The following SOX5 variants were observed in gnomAD, a reference collection of about 807,000 sequenced individuals.
SOX5 encodes SRY-box transcription factor 5.
SOX5 carries 9 observed loss-of-function variants against 92.0 expected under a neutral mutation model. The ratio of observed to expected loss-of-function variants is 0.10; its 90% CI spans 0.06 to 0.17. The LOEUF (loss-of-function observed/expected upper bound fraction) is 0.17, where lower values mean the gene tolerates loss of function less well. Ranked by LOEUF, SOX5 falls within the 10% of genes least tolerant of loss-of-function variation. The pLI, the probability that SOX5 is intolerant of heterozygous loss-of-function variation, is 1.00. For synonymous variants in SOX5, 344 were observed against 336.3 expected (o/e 1.02, Z -0.25); for missense variants, 642 against 944.5 (o/e 0.68, Z 4.20).
intron 4 of SOX5, among the ~76,000 whole-genome samples, chr12:24,083,206 A>G (rs1477904857): frequency 3.9e-5 from 6 of 152,022 alleles, no homozygotes; most frequent in Non-Finnish European, 8.8e-5. Context: ...CCTCTTCACC[A>G]TAAGATTAAG....
chr12:24,442,525 G>A (rs532278747), intron 1 of SOX5, among the ~76,000 whole-genome samples: 69 of 152,290 alleles, frequency 4.5e-4, no homozygotes, highest in Non-Finnish European at 1.3e-4. Flanking sequence ...AGCAGAGAGC[G>A]GGTGCGGTTT....
chr12:23,895,242 G>A (rs75231042), intron 2 of SOX5, among the ~76,000 whole-genome samples: 3,423 of 145,278 alleles, frequency 0.024, 113 homozygotes, highest in African/African-American at 0.08. Flanking sequence ...CCGAATTAAC[G>A]AAACAACAGT....
At chr12:24,391,825 T>G (rs1221221563) in intron 1 of SOX5, among the ~76,000 whole-genome samples, 1 of 152,190 alleles carries the variant, frequency 6.6e-6, no homozygotes, top group Non-Finnish European at 1.5e-5. Context: ...AGGTAACATA[T>G]AGAAAATATA....
At chr12:23,942,870 T>C (rs1430417067) in intron 1 of SOX5, among the ~76,000 whole-genome samples, 2 of 152,032 alleles carry the variant, frequency 1.3e-5, no homozygotes, top group African/African-American at 4.8e-5. Flanking sequence ...AGAAAGATCA[T>C]ATCTTCTGTT....
chr12:24,321,904 G>A (rs1022794476), intron 2 of SOX5, among the ~76,000 whole-genome samples: 1 of 152,058 alleles, frequency 6.6e-6, no homozygotes, highest in Non-Finnish European at 1.5e-5. Context: ...CATCCAAACT[G>A]GAAGTCTCAA....
intron 4 of SOX5, among the ~76,000 whole-genome samples, chr12:24,183,231 A>G (rs1302371314): frequency 6.6e-6 from 1 of 152,166 alleles, no homozygotes; most frequent in East Asian, 1.9e-4. Context: ...AAAACCATAT[A>G]CTACTCCACT....
At chr12:23,918,199 C>T (rs1449497763) in intron 1 of SOX5, among the ~76,000 whole-genome samples, 2 of 152,142 alleles carry the variant, frequency 1.3e-5, no homozygotes, top group African/African-American at 2.4e-5. Context: ...AACAATACAA[C>T]TGTAATATTT....
chr12:23,891,046 A>G (rs1326374172), intron 2 of SOX5, among the ~76,000 whole-genome samples: 1 of 152,188 alleles, frequency 6.6e-6, no homozygotes, highest in Non-Finnish European at 1.5e-5. Flanking sequence ...GACTTATAAC[A>G]ATCTGTGTCT....
At chr12:24,003,292 G>A (rs2136400021) in intron 4 of SOX5, among the ~76,000 whole-genome samples, 2 of 152,100 alleles carry the variant, frequency 1.3e-5, no homozygotes, top group East Asian at 3.9e-4. Flanking sequence ...ACATTGTACT[G>A]GAGGTTCTAG....
At chr12:24,528,238 TG>T (rs1950883446) in intron 1 of SOX5, among the ~76,000 whole-genome samples, 1 of 152,224 alleles carries the variant, frequency 6.6e-6, no homozygotes, top group Non-Finnish European at 1.5e-5. Context: ...TTATACAAAG[TG>T]GCAGAGTCGG....
intron 6 of SOX5, among the ~76,000 whole-genome samples, chr12:23,707,252 T>C (rs2091501900): frequency 6.6e-6 from 1 of 152,200 alleles, no homozygotes; most frequent in African/African-American, 2.4e-5. Context: ...ATTTCTTTTG[T>C]TTTTAGGCTG....
chr12:24,418,674 C>T (rs1481303859), intron 1 of SOX5, among the ~76,000 whole-genome samples: 1 of 152,164 alleles, frequency 6.6e-6, no homozygotes, highest in Non-Finnish European at 1.5e-5. Flanking sequence ...TAATCTGCCC[C>T]ATCTTTAATG....
intron 1 of SOX5, among the ~76,000 whole-genome samples, chr12:24,550,874 G>A (rs1430262485): frequency 6.6e-6 from 1 of 152,230 alleles, no homozygotes; most frequent in Non-Finnish European, 1.5e-5. Context: ...ACGCATTGAT[G>A]TTAACATTAC....
chr12:24,485,449 A>G (rs1045297663), intron 1 of SOX5, among the ~76,000 whole-genome samples: 1 of 152,178 alleles, frequency 6.6e-6, no homozygotes, highest in Non-Finnish European at 1.5e-5. Context: ...GAGTTAAAAA[A>G]CATTTTAGTG....
intron 4 of SOX5, among the ~76,000 whole-genome samples, chr12:24,203,909 T>C (rs935501970): frequency 6.6e-6 from 1 of 152,170 alleles, no homozygotes; most frequent in Admixed American, 6.5e-5. Context: ...TGGGGTACCC[T>C]GAATACTCTA....
rs1292681966 is a variant in SOX5, at chr12:24,010,772, T to TA, written c.-1-114749dup. ...CAACATGGCAAAACCCCATCTCTAC[T>TA]AAAAATACAAAAAAAAATTAGCCCG... On this transcript the variant is annotated intron_variant, in intron 4 of 4. Transcript: ENST00000446891. Among the ~76,000 whole-genome samples, 5 of 151,110 alleles carry TA rather than the reference T, an allele frequency of 3.3e-5. No homozygotes were observed. The East Asian group carries it at 9.7e-4, about 29-fold the overall frequency.
chr12:24,470,624 C>T (rs557357904), intron 1 of SOX5, among the ~76,000 whole-genome samples: 9 of 152,062 alleles, frequency 5.9e-5, no homozygotes, highest in Non-Finnish European at 8.8e-5. Context: ...AGTGTGACTG[C>T]GATTTCCTTA....
At chr12:23,954,843 T>C (rs142590059), upstream of SOX5, among the ~76,000 whole-genome samples, 161 of 152,230 alleles carry the variant, frequency 1.1e-3, no homozygotes, top group African/African-American at 3.6e-3. Flanking sequence ...TCTAGTTTCA[T>C]ACTTCTCTCA....
intron 4 of SOX5, among the ~76,000 whole-genome samples, chr12:24,151,357 A>C (rs1383495817): frequency 1.3e-5 from 2 of 152,162 alleles, no homozygotes. Flanking sequence ...CATGAAAAAA[A>C]ATTCTACACA....
Sources: allele counts gnomAD v4.1 joint callset (sites outside exome capture counted in the v4.1 genomes callset), GRCh38; gene constraint gnomAD v4.1.1; transcripts MANE v1.5; gene names NCBI Gene and HGNC (gene_info 2026-07-23, HGNC 2026-07-21).